ADAMTSL1: variants seen among roughly 807,000 people sequenced by gnomAD.
ADAMTSL1 encodes the protein ADAMTS like 1.
ADAMTSL1 carries 126 observed loss-of-function variants against 201.8 expected under a neutral mutation model. That is an observed-to-expected ratio of 0.62 (90% CI 0.54 to 0.72). The LOEUF (loss-of-function observed/expected upper bound fraction) is 0.72. Among genes scored for constraint, ADAMTSL1 ranks in the 30% least tolerant of loss-of-function variants. ADAMTSL1 has a pLI of 0.00. For missense variants in ADAMTSL1, 2,679 were observed against 2,277.8 expected, an observed-to-expected ratio of 1.18 and a Z score of -3.59; for synonymous variants, 1,121 against 903.4, an observed-to-expected ratio of 1.24 and a Z score of -4.32.
chr9:18,231,756 A>G (rs71506865), intron 2 of ADAMTSL1, among the ~76,000 whole-genome samples: 362 of 152,290 alleles, frequency 2.4e-3, no homozygotes, highest in Non-Finnish European at 4.2e-3. Context: ...TCTTCTCCCC[A>G]TGTCAGTTAG....
chr9:18,643,439 A>G (rs751722466), intron 7 of ADAMTSL1, among the ~76,000 whole-genome samples: 19 of 151,810 alleles, frequency 1.3e-4, no homozygotes, highest in African/African-American at 1.9e-4. Context: ...CCATTTATCT[A>G]TTTTTGCTTT....
At chr9:18,473,510 C>G (rs1821302046), upstream of ADAMTSL1, among the ~76,000 whole-genome samples, 1 of 152,084 alleles carries the variant, frequency 6.6e-6, no homozygotes, top group African/African-American at 2.4e-5. Flanking sequence ...CTTAATAACA[C>G]AAAATAACTT....
At chr9:18,524,966 A>C (rs1207636487) in intron 2 of ADAMTSL1, among the ~76,000 whole-genome samples, 1 of 152,198 alleles carries the variant, frequency 6.6e-6, no homozygotes, top group African/African-American at 2.4e-5. Context: ...AAAATGAGTG[A>C]GGGAGGATTC....
At position 18,120,961 on chromosome 9, in the gene ADAMTSL1, T is replaced by C. The variant is rs566059173; in HGVS notation, c.88-42901T>C. Reference sequence around the variant, plus strand: ...TTCCTATATAGACTCTACACAGAAATACAGTTTGGCCCCAGAATGTGGAAG... The same window carrying C: ...TTCCTATATAGACTCTACACAGAAACACAGTTTGGCCCCAGAATGTGGAAG... On this transcript the variant is annotated intron_variant, in intron 1 of 29. Coordinates refer to the ADAMTSL1 transcript ENST00000680146. Among the ~76,000 whole-genome samples the C allele has an allele frequency of 4.6e-5, 7 of 152,218 alleles. No homozygotes were observed. The East Asian group carries it at 1.2e-3, about 25-fold the overall frequency.
chr9:18,694,013 AT>A (rs1831396774), intron 13 of ADAMTSL1, among the ~76,000 whole-genome samples: 2 of 152,198 alleles, frequency 1.3e-5, no homozygotes. Flanking sequence ...GAAACTTATA[AT>A]CATGGCAGAA....
At chr9:18,773,184 T>C (rs2133732140) in intron 17 of ADAMTSL1, among the ~76,000 whole-genome samples, 1 of 152,286 alleles carries the variant, frequency 6.6e-6, no homozygotes, top group Non-Finnish European at 1.5e-5. Flanking sequence ...CTATCTGGGC[T>C]CAATCTCATG....
Position 18,724,711 on chromosome 9 carries a change from G to T in ADAMTSL1, c.2006+3046G>T, listed in dbSNP as rs192259794. 3.7e-4 allele frequency among the ~76,000 whole-genome samples: 56 copies of T among 152,266 alleles called. 1 individual carries two copies. The highest frequency in any genetic ancestry group is 1.3e-3 in the African/African-American group (54 of 41,558). On this transcript the variant is annotated intron_variant, in intron 15 of 28. Transcript: ENST00000380548. ...TATTAAGTGTTTATTATATAAATGA[G>T]TATGAAGGACCAGGGCCAAATTTAT...
intron 2 of ADAMTSL1, among the ~76,000 whole-genome samples, chr9:18,317,164 G>C (rs1834434109): frequency 6.6e-6 from 1 of 152,112 alleles, no homozygotes; most frequent in Non-Finnish European, 1.5e-5. Context: ...CTTATATGTG[G>C]TGTGGAATCT....
intron 1 of ADAMTSL1, among the ~76,000 whole-genome samples, chr9:18,503,074 GTATA>G (rs1335876270): frequency 6.6e-6 from 1 of 151,806 alleles, no homozygotes; most frequent in Admixed American, 6.6e-5. Context: ...CTATTTTTAA[GTATA>G]TATATTTATA....
chr9:18,721,219 T>C (rs571356514), intron 14 of ADAMTSL1, among the ~76,000 whole-genome samples: 3 of 152,184 alleles, frequency 2.0e-5, no homozygotes, highest in Non-Finnish European at 4.4e-5. Flanking sequence ...AAGTATCATG[T>C]TCCAGCATTG....
At chr9:18,767,613 A>C (rs892671816) in intron 16 of ADAMTSL1, among the ~76,000 whole-genome samples, 2 of 152,246 alleles carry the variant, frequency 1.3e-5, no homozygotes. Flanking sequence ...ATTCTTAGCC[A>C]CTAATTTAAA....
chr9:18,215,340 G>A (rs1334186526), intron 2 of ADAMTSL1, among the ~76,000 whole-genome samples: 1 of 152,062 alleles, frequency 6.6e-6, no homozygotes, highest in East Asian at 1.9e-4. Flanking sequence ...TAGCATTACT[G>A]TCAATATAAG....
chr9:18,877,419 T>A (rs540651355), intron 23 of ADAMTSL1, among the ~76,000 whole-genome samples: 80 of 152,296 alleles, frequency 5.3e-4, no homozygotes, highest in African/African-American at 1.9e-3. Flanking sequence ...TCCCACAGGG[T>A]GCTCCCTTGA....
Position 17,912,226 on chromosome 9 carries a change from A to G in ADAMTSL1, c.87+5304A>G, listed in dbSNP as rs75112736. Among the ~76,000 whole-genome samples, 3 of 65,896 alleles carry G rather than the reference A, an allele frequency of 4.6e-5. 1 individual carries two copies. Among genetic ancestry groups the G allele is most frequent in the Middle Eastern group, 0.015 (2 of 132 alleles). 43.2% of individuals were successfully genotyped at this position (65,896 alleles called of 152,430 possible). A position where few individuals can be genotyped will look rare whatever the true frequency, so the allele number is the denominator to read the frequency against. On this transcript the variant is annotated intron_variant, in intron 1 of 29. Coordinates refer to the ADAMTSL1 transcript ENST00000680146. ...AGTAATGGGATGGCTGGGTCAAATG[A>G]TATTTCTAGTTCTAGATCCCTGAGG...
At chr9:18,622,671 A>G (rs1357794597) in intron 5 of ADAMTSL1, 1 of 528,904 alleles carries the variant, frequency 1.9e-6, no homozygotes, top group Admixed American at 3.4e-5. Flanking sequence ...GACAGACTGT[A>G]TCCCAGCTCC....
At chr9:18,260,771 T>G (rs1178988939) in intron 2 of ADAMTSL1, among the ~76,000 whole-genome samples, 1 of 152,194 alleles carries the variant, frequency 6.6e-6, no homozygotes, top group Non-Finnish European at 1.5e-5. Context: ...TTTGAATTGG[T>G]GCCAGGCCAC....
chr9:18,336,719 T>C (rs966893834), intron 2 of ADAMTSL1, among the ~76,000 whole-genome samples: 3 of 152,150 alleles, frequency 2.0e-5, no homozygotes, highest in African/African-American at 7.2e-5. Flanking sequence ...CTAGCATTAC[T>C]AGTATTAGTG....
At chr9:18,240,996 G>C (rs948145511) in intron 2 of ADAMTSL1, among the ~76,000 whole-genome samples, 1 of 152,202 alleles carries the variant, frequency 6.6e-6, no homozygotes, top group African/African-American at 2.4e-5. Context: ...TTTGACTTAA[G>C]AGAATATTGT....
At chr9:18,366,627 A>ATTTTTTTTT (rs772034324) in intron 2 of ADAMTSL1, among the ~76,000 whole-genome samples, 8 of 112,828 alleles carry the variant, frequency 7.1e-5, no homozygotes, top group African/African-American at 2.4e-4. Context: ...GAAATCACTA[A>ATTTTTTTTT]TTTTTTTTTT....
Sources: allele counts gnomAD v4.1 joint callset (sites outside exome capture counted in the v4.1 genomes callset), GRCh38; gene constraint gnomAD v4.1.1; transcripts MANE v1.5; gene names NCBI Gene and HGNC (gene_info 2026-07-23, HGNC 2026-07-21).